Variants in STEAP1B observed in about 807,000 individuals in gnomAD.
STEAP1B encodes STEAP family member 1B.
STEAP1B carries 13 observed loss-of-function variants against 27.9 expected under a neutral mutation model. That is an observed-to-expected ratio of 0.47 (90% confidence interval 0.30 to 0.74). The LOEUF (loss-of-function observed/expected upper bound fraction) is 0.74. Among genes scored for constraint, STEAP1B ranks in the 30% least tolerant of loss-of-function variants. The pLI is 0.06. For synonymous variants in STEAP1B, 86 were observed against 107.1 expected (o/e 0.80, Z 1.22); for missense variants, 250 against 298.7 (o/e 0.84, Z 1.20).
rs549779867 is a variant in STEAP1B, at chr7:22,467,962, G to A, written c.762+24603C>T. ...CTCTTGAGACTAAGCTGAGGTGGAGGGAGCCCCAGAATGGGACCCCTAAAA... is the reference window on the plus strand; with the variant it reads ...CTCTTGAGACTAAGCTGAGGTGGAGAGAGCCCCAGAATGGGACCCCTAAAA... On this transcript the variant is annotated intron_variant, in intron 4 of 4. Coordinates refer to ENST00000678116, the MANE Select transcript of STEAP1B (RefSeq NM_001382447.1). Among the ~76,000 whole-genome samples the A allele has an allele frequency of 2.0e-5, 3 of 152,142 alleles. No individual in the cohort carries two copies. The South Asian group carries it at 6.3e-4, about 32-fold the overall frequency.
At chr7:22,437,773 G>C (rs529373651) in intron 4 of STEAP1B, among the ~76,000 whole-genome samples, 6 of 152,152 alleles carry the variant, frequency 3.9e-5, no homozygotes, top group African/African-American at 1.4e-4. Flanking sequence ...CTTCTTATTT[G>C]CTTTTTTGGT....
chr7:22,466,858 C>G (rs1785793154), intron 4 of STEAP1B, among the ~76,000 whole-genome samples: 1 of 152,196 alleles, frequency 6.6e-6, no homozygotes, highest in South Asian at 2.1e-4. Context: ...CAGGTCCAAG[C>G]CCTGCACTTG....
chr7:22,447,940 G>A (rs1202210281), intron 4 of STEAP1B, among the ~76,000 whole-genome samples: 2 of 152,190 alleles, frequency 1.3e-5, no homozygotes, highest in Non-Finnish European at 2.9e-5. Context: ...AGACATGAAG[G>A]CATTGGATAA....
intron 4 of STEAP1B, among the ~76,000 whole-genome samples, chr7:22,423,641 G>GT (rs1785071467): frequency 6.6e-6 from 1 of 152,122 alleles, no homozygotes; most frequent in Non-Finnish European, 1.5e-5. Context: ...TTGAGCATGA[G>GT]GTTTTTTTGG....
intron 4 of STEAP1B, among the ~76,000 whole-genome samples, chr7:22,471,102 ATTTCCTACGGAGTGCAGCCGATGCT>A (rs1161264247): frequency 6.6e-6 from 1 of 152,046 alleles, no homozygotes; most frequent in East Asian, 1.9e-4. Context: ...CTAAGTCAGC[ATTTCCTACGGAGTGCAGCCGATGCT>A]TTTCCTCTCC....
chr7:22,425,929 G>A (rs1050301896), intron 4 of STEAP1B, among the ~76,000 whole-genome samples: 3 of 152,196 alleles, frequency 2.0e-5, no homozygotes, highest in Admixed American at 2.0e-4. Context: ...GCCCTTAGTG[G>A]CTACAAAAGT....
intron 4 of STEAP1B, among the ~76,000 whole-genome samples, chr7:22,491,897 G>A (rs553878644): frequency 7.4e-4 from 113 of 152,172 alleles, no homozygotes; most frequent in Non-Finnish European, 1.5e-3. Context: ...ACAGTAATAT[G>A]AGGATGTTTA....
chr7:22,472,473 G>T (rs559867688), intron 4 of STEAP1B, among the ~76,000 whole-genome samples: 1 of 152,330 alleles, frequency 6.6e-6, no homozygotes, highest in East Asian at 1.9e-4. Context: ...TGATTGGCAA[G>T]TGATGTGTTA....
chr7:22,469,578 T>A (rs1450785119), intron 4 of STEAP1B, among the ~76,000 whole-genome samples: 1 of 152,184 alleles, frequency 6.6e-6, no homozygotes, highest in African/African-American at 2.4e-5. Flanking sequence ...TTACTGTATT[T>A]TTACTGTTTC....
chr7:22,472,903 C>G (rs73683431), intron 4 of STEAP1B, among the ~76,000 whole-genome samples: 2,593 of 152,226 alleles, frequency 0.017, 87 homozygotes, highest in African/African-American at 0.06. Flanking sequence ...TGGCATCCAA[C>G]CTTAGTTTCT....
At position 22,450,863 on chromosome 7, in the gene STEAP1B, C is replaced by A. The variant is rs769220189; in HGVS notation, c.763-31027G>T. On this transcript the variant is annotated intron_variant, in intron 4 of 4. Transcript: ENST00000678116. The stretch of plus-strand genomic sequence containing the variant: ...CAGTTTTCATTATAAAGATCTTTCA[C>A]TTCTTTGGTTAATTCCTAGATATTT... Among the ~76,000 whole-genome samples, 165 of 152,196 alleles carry A rather than the reference C, an allele frequency of 1.1e-3. 1 individual carries two copies. Among genetic ancestry groups the A allele is most frequent in the Non-Finnish European group, 1.5e-4 (10 of 68,018 alleles).
At chr7:22,463,978 C>T (rs1290826541) in intron 4 of STEAP1B, among the ~76,000 whole-genome samples, 1 of 151,822 alleles carries the variant, frequency 6.6e-6, no homozygotes, top group Non-Finnish European at 1.5e-5. Flanking sequence ...AACTAAAGAG[C>T]ATCTGCACAG....
intron 4 of STEAP1B, among the ~76,000 whole-genome samples, chr7:22,429,424 A>G (rs1378784547): frequency 6.6e-6 from 1 of 152,204 alleles, no homozygotes; most frequent in Non-Finnish European, 1.5e-5. Flanking sequence ...TACATACAGA[A>G]TGATACAATT....
intron 4 of STEAP1B, among the ~76,000 whole-genome samples, chr7:22,487,036 T>G (rs997929896): frequency 6.6e-6 from 1 of 152,174 alleles, no homozygotes; most frequent in Non-Finnish European, 1.5e-5. Context: ...TTCACATAGA[T>G]AGAGGAAGGA....
At chr7:22,449,759 C>T (rs1486223426) in intron 4 of STEAP1B, among the ~76,000 whole-genome samples, 1 of 152,230 alleles carries the variant, frequency 6.6e-6, no homozygotes, top group African/African-American at 2.4e-5. Context: ...TACATTCCCA[C>T]CAACAGGGTA....
chr7:22,449,442 C>T (rs1475773175), intron 4 of STEAP1B, among the ~76,000 whole-genome samples: 2 of 152,170 alleles, frequency 1.3e-5, no homozygotes, highest in Non-Finnish European at 2.9e-5. Flanking sequence ...TAATGATCTC[C>T]AGTTACATTC....
At chr7:22,454,843 A>ATATG (rs1235580449) in intron 4 of STEAP1B, among the ~76,000 whole-genome samples, 20 of 93,404 alleles carry the variant, frequency 2.1e-4, no homozygotes, top group South Asian at 1.3e-3. Context: ...ATATATATAT[A>ATATG]TATATGTATA....
intron 4 of STEAP1B, among the ~76,000 whole-genome samples, chr7:22,452,510 T>C (rs1417365229): frequency 1.3e-5 from 2 of 151,726 alleles, no homozygotes; most frequent in Admixed American, 1.3e-4. Context: ...AGCTTCAGGA[T>C]CACAAAGCAA....
intron 1 of STEAP1B, 100 bp from the exon 2 acceptor site, chr7:22,494,986 G>A (rs916989728): frequency 3.6e-6 from 2 of 554,820 alleles, no homozygotes; most frequent in Admixed American, 3.8e-5. Flanking sequence ...GACTAGAATG[G>A]CAGATAAAGT....
Sources: allele counts gnomAD v4.1 joint callset (sites outside exome capture counted in the v4.1 genomes callset), GRCh38; gene constraint gnomAD v4.1.1; transcripts MANE v1.5; gene names NCBI Gene and HGNC (gene_info 2026-07-23, HGNC 2026-07-21).